DCDC2: variants seen among roughly 807,000 people sequenced by gnomAD.
The protein encoded by DCDC2 is doublecortin domain containing 2, also known as doublecortin domain-containing protein 2.
Under a neutral mutation model 50.2 loss-of-function variants are expected in DCDC2, and 40 were observed. The ratio of observed to expected loss-of-function variants is 0.80; its 90% CI spans 0.62 to 1.04. The LOEUF (loss-of-function observed/expected upper bound fraction) is 1.04, where lower values mean the gene tolerates loss of function less well. DCDC2 is among the 50% of genes least tolerant of loss of function. The pLI is 0.00. For synonymous variants in DCDC2, 234 were observed against 210.6 expected, an observed-to-expected ratio of 1.11 and a Z score of -0.96; for missense variants, 570 against 581.9, an observed-to-expected ratio of 0.98 and a Z score of 0.21.
At chr6:24,282,992 G>A (rs1003116660) in intron 6 of DCDC2, among the ~76,000 whole-genome samples, 14 of 149,618 alleles carry the variant, frequency 9.4e-5, no homozygotes, top group African/African-American at 2.9e-4. Context: ...TGTCAAAACC[G>A]TAGAAATCAT....
chr6:24,253,213 T>C (rs1762826829), intron 7 of DCDC2, among the ~76,000 whole-genome samples: 2 of 151,948 alleles, frequency 1.3e-5, no homozygotes, highest in African/African-American at 2.4e-5. Flanking sequence ...ATAAAACGAA[T>C]GTACAATAGA....
chr6:24,358,119 G>C (rs1033948981), upstream of DCDC2: 2 of 583,074 alleles, frequency 3.4e-6, no homozygotes, highest in East Asian at 5.9e-5. Context: ...GGGCAGGAGA[G>C]AGGAGGACGC....
chr6:24,359,488 A>AATATATTATATATATTTT (rs1303708126), upstream of DCDC2, among the ~76,000 whole-genome samples: 1 of 79,152 alleles, frequency 1.3e-5, no homozygotes, highest in African/African-American at 5.4e-5. Flanking sequence ...TTTTATATAT[A>AATATATTATATATATTTT]ATATATTATA....
At chr6:24,306,077 T>G (rs1581643207) in intron 2 of DCDC2, among the ~76,000 whole-genome samples, 1 of 150,180 alleles carries the variant, frequency 6.7e-6, no homozygotes, top group South Asian at 2.1e-4. Context: ...AATATGAGGG[T>G]AATATTAAGT....
At chr6:24,237,932 G>A (rs1341229868) in intron 7 of DCDC2, among the ~76,000 whole-genome samples, 7 of 151,320 alleles carry the variant, frequency 4.6e-5, no homozygotes, top group Non-Finnish European at 7.4e-5. Flanking sequence ...AAGAGAAGGA[G>A]GGAGGAGAGC....
intron 7 of DCDC2, among the ~76,000 whole-genome samples, chr6:24,256,908 G>A (rs1359747265): frequency 3.9e-5 from 6 of 152,104 alleles, no homozygotes; most frequent in East Asian, 1.9e-4. Context: ...TGGCAGCACA[G>A]TGCACCAGTT....
At chr6:24,320,810 T>A (rs1055653573) in intron 2 of DCDC2, among the ~76,000 whole-genome samples, 6 of 152,128 alleles carry the variant, frequency 3.9e-5, no homozygotes, top group African/African-American at 1.4e-4. Flanking sequence ...GCACCCCTAA[T>A]GCCCAGATGC....
intron 7 of DCDC2, among the ~76,000 whole-genome samples, chr6:24,243,568 C>T (rs143848440): frequency 2.0e-5 from 3 of 152,324 alleles, no homozygotes; most frequent in African/African-American, 7.2e-5. Context: ...TTATGGCTCT[C>T]ATTTTTAATA....
chr6:24,369,596 G>A, the DCDC2 span, among the ~76,000 whole-genome samples: 17 of 151,728 alleles, frequency 1.1e-4, no homozygotes, highest in African/African-American at 2.2e-4. Flanking sequence ...GTGACAGAGC[G>A]GGACTCCGTC....
At chr6:24,178,233 T>C (rs1406973980) in intron 9 of DCDC2, 97 bp downstream of exon 9, 13 of 1,276,992 alleles carry the variant, frequency 1.0e-5, no homozygotes, top group South Asian at 7.1e-5. Flanking sequence ...GTGGTTTCAA[T>C]ACAAGTCCTA....
chr6:24,315,172 C>CT (rs112135227), intron 2 of DCDC2, among the ~76,000 whole-genome samples: 121,713 of 143,930 alleles, frequency 0.85, 52,067 homozygotes, highest in East Asian at 0.97. Flanking sequence ...TTGATCTTTG[C>CT]TTTTTTTTTT....
chr6:24,235,158 T>A (rs979981827), intron 7 of DCDC2, among the ~76,000 whole-genome samples: 1 of 152,220 alleles, frequency 6.6e-6, no homozygotes, highest in Non-Finnish European at 1.5e-5. Flanking sequence ...TAAGAATGTG[T>A]AATACATTTT....
At chr6:24,188,118 TG>T (rs1761243290) in intron 8 of DCDC2, among the ~76,000 whole-genome samples, 1 of 152,206 alleles carries the variant, frequency 6.6e-6, no homozygotes, top group South Asian at 2.1e-4. Flanking sequence ...CACTGTCACC[TG>T]GGGACCTTGT....
intron 5 of DCDC2, among the ~76,000 whole-genome samples, chr6:24,290,701 A>G (rs1051759286): frequency 4.6e-5 from 7 of 152,164 alleles, no homozygotes; most frequent in Non-Finnish European, 1.0e-4. Context: ...GCATGCTAAA[A>G]AAAAACCATG....
At chr6:24,316,808 T>C (rs1223582935) in intron 2 of DCDC2, among the ~76,000 whole-genome samples, 1 of 152,060 alleles carries the variant, frequency 6.6e-6, no homozygotes, top group East Asian at 1.9e-4. Context: ...ACAATTGTAT[T>C]AAGTAACTTA....
intron 7 of DCDC2, chr6:24,205,367 A>G: frequency 6.8e-7 from 1 of 1,467,204 alleles, no homozygotes; most frequent in African/African-American, 1.4e-5. Flanking sequence ...TTGGCTACTG[A>G]TTTACTAACA....
intron 2 of DCDC2, among the ~76,000 whole-genome samples, chr6:24,316,936 TA>T (rs2113848916): frequency 6.6e-6 from 1 of 152,092 alleles, no homozygotes; most frequent in African/African-American, 2.4e-5. Flanking sequence ...AAGCTTTGTA[TA>T]AAATATTCCA....
intron 6 of DCDC2, among the ~76,000 whole-genome samples, chr6:24,285,507 C>G (rs1163673045): frequency 6.6e-6 from 1 of 152,110 alleles, no homozygotes; most frequent in Non-Finnish European, 1.5e-5. Flanking sequence ...CCACGAGTAT[C>G]AGAGAGAGCA....
chr6:24,358,943 A>ATTATATATTATATATTATATATT (rs1561788638), upstream of DCDC2, among the ~76,000 whole-genome samples: 15 of 54,274 alleles, frequency 2.8e-4, 2 homozygotes, highest in African/African-American at 1.3e-3. Context: ...TATTTTATAT[A>ATTATATATTATATATTATATATT]TTATATATTA....
Sources: gnomAD v4.1 joint callset for allele counts (sites outside exome capture counted in the v4.1 genomes callset) on GRCh38, gnomAD v4.1.1 for gene constraint, MANE v1.5 for transcripts, NCBI Gene and HGNC (gene_info 2026-07-23, HGNC 2026-07-21) for gene names.